Variants in GUCY2D observed in about 807,000 individuals in gnomAD.
The protein encoded by GUCY2D is retinal guanylyl cyclase 1.
GUCY2D carries 70 observed loss-of-function variants against 101.3 expected under a neutral mutation model. That is an observed-to-expected ratio of 0.69 (90% CI 0.57 to 0.84). The LOEUF is 0.84. Among genes scored for constraint, GUCY2D ranks in the 40% least tolerant of loss-of-function variants. GUCY2D has a pLI of 0.00. For missense variants in GUCY2D, 1,460 were observed against 1,542.5 expected (o/e 0.95, Z 0.90); for synonymous variants, 688 against 670.7 (o/e 1.03, Z -0.40).
rs564575395 is a variant in GUCY2D at position 8,015,129 on chromosome 17, C to T, written c.2769+78C>T. 1.9e-5 allele frequency: 25 copies of T among 1,285,598 alleles called. No individual in the cohort carries two copies. The South Asian group carries it at 3.1e-4, about 16-fold the overall frequency. The allele number at this position is 1,285,598 out of a possible 1,614,324, so 79.6% of individuals were successfully genotyped here. On this transcript the variant is annotated intron_variant, in intron 14 of 19. Transcript: ENST00000254854. ...CTCCAGCCCAGCCCTTCCTGCGCAGCCCCTAGCCTACCTGCCCAATCAATC... is the reference window on the plus strand; with the variant it reads ...CTCCAGCCCAGCCCTTCCTGCGCAGTCCCTAGCCTACCTGCCCAATCAATC...
At chr17:8,018,368 G>A (rs1976014607) in intron 19 of GUCY2D, among the ~76,000 whole-genome samples, 1 of 152,060 alleles carries the variant, frequency 6.6e-6, no homozygotes, top group Non-Finnish European at 1.5e-5. Flanking sequence ...GCTGAGTCTG[G>A]ATCTGCATTT....
At chr17:8,005,913 T>G (rs550857471) in intron 3 of GUCY2D, among the ~76,000 whole-genome samples, 16 of 152,268 alleles carry the variant, frequency 1.1e-4, no homozygotes, top group East Asian at 5.8e-4. Context: ...TTGTTTGTTT[T>G]TTTAAGGAAC....
chr17:8,015,934 C>T lies in GUCY2D; in HGVS notation c.3051C>T (p.Arg1017=), dbSNP rs143761257. The T allele has an allele frequency of 1.9e-6, 3 of 1,611,350 alleles. No homozygotes were observed. Among genetic ancestry groups the T allele is most frequent in the Non-Finnish European group, 2.5e-6 (3 of 1,178,944 alleles). Residue 1017 remains arginine, a synonymous_variant, in exon 17 of 20, where the codon CGC becomes CGT. Coordinates refer to ENST00000254854, the MANE Select transcript of GUCY2D (RefSeq NM_000180.4). ...SRMESTGLPY[R]IHVNLSTVGI... Reference sequence around the variant, plus strand: ...CGTCCCCCACCGCCACAGCTTACCGCATCCACGTGAACTTGAGCACTGTGG... The same window carrying T: ...CGTCCCCCACCGCCACAGCTTACCGTATCCACGTGAACTTGAGCACTGTGG...
chr17:8,008,698 G>T (rs1047825861), intron 7 of GUCY2D, among the ~76,000 whole-genome samples: 48 of 152,240 alleles, frequency 3.2e-4, no homozygotes, highest in African/African-American at 1.1e-3. Context: ...GTCATTTGGG[G>T]CAGATTGTCC....
intron 19 of GUCY2D, among the ~76,000 whole-genome samples, chr17:8,019,042 A>AAAAAC (rs1170297557): frequency 6.6e-6 from 1 of 152,226 alleles, no homozygotes; most frequent in Admixed American, 6.5e-5. Context: ...ATTAAAGATT[A>AAAAAC]AAAACAAAAC....
At chr17:8,016,158 C>G (rs1975969006) in intron 17 of GUCY2D, 47 bp from the exon 18 acceptor site, 6 of 1,380,248 alleles carry the variant, frequency 4.3e-6, no homozygotes, top group Non-Finnish European at 5.1e-6. Context: ...ATCCCCCACC[C>G]CTCACCCCAG....
chr17:8,003,923 G>A lies in GUCY2D; in HGVS notation c.793G>A (p.Glu265Lys), dbSNP rs1346762413. The A allele has an allele frequency of 5.0e-6, 8 of 1,613,554 alleles. No individual in the cohort carries two copies. The East Asian group carries it at 1.8e-4, about 36-fold the overall frequency. Residue 265 changes from glutamate (E) to lysine (K), a missense_variant, in exon 3 of 20, where the codon GAG becomes AAG. Physicochemically the swap from Glu to Lys is moderately conservative, Grantham distance 56. Coordinates refer to ENST00000254854, the MANE Select transcript of GUCY2D (RefSeq NM_000180.4). ...EQRYLLEAAE[E>K]LGLTDGSLVF... ...GCGCTACCTCCTGGAGGCCGCAGAG[G>A]AGCTGGGCCTGACCGATGGCTCCCT...
rs1251727174 is a variant in GUCY2D, at chr17:8,016,544, G to A, written c.*14G>A. On this transcript the variant is annotated 3_prime_UTR_variant, in exon 19 of 20. Coordinates refer to ENST00000254854, the MANE Select transcript of GUCY2D (RefSeq NM_000180.4). ...CAGTTCTCTTGAGAAGTGAGGCCCG[G>A]CCCCGGACAGGTACTGCCCCCTCAG... 1 of 1,521,586 alleles carries A rather than the reference G, an allele frequency of 6.6e-7. No individual in the cohort carries two copies. Among genetic ancestry groups the A allele is most frequent in the Non-Finnish European group, 8.9e-7 (1 of 1,123,246 alleles). 94.3% of individuals were successfully genotyped at this position (1,521,586 alleles called of 1,614,324 possible). A position where few individuals can be genotyped will look rare whatever the true frequency, so the allele number is the denominator to read the frequency against.
At chr17:8,016,360 C>CCG in intron 18 of GUCY2D, 70 bp downstream of exon 18, 1 of 1,443,584 alleles carries the variant, frequency 6.9e-7, no homozygotes, top group Admixed American at 2.0e-5. Flanking sequence ...GTCTGACCCC[C>CCG]CGCGCGCGAG....
At chr17:8,009,329 C>T (rs184234997) in intron 7 of GUCY2D, among the ~76,000 whole-genome samples, 177 bp from the exon 8 acceptor site, 22 of 152,294 alleles carry the variant, frequency 1.4e-4, no homozygotes, top group Admixed American at 1.4e-3. Context: ...GGGCCCTCTC[C>T]CAGATGGCTG....
rs539558334 is a variant in GUCY2D at position 8,011,208 on chromosome 17, A to C, written c.1750-936A>C. On this transcript the variant is annotated intron_variant, in intron 8 of 19. Coordinates refer to ENST00000254854, the MANE Select transcript of GUCY2D (RefSeq NM_000180.4). The surrounding 1 kb of genome is among the most constrained non-coding windows in gnomAD (Gnocchi z 4.3). Reference sequence around the variant, plus strand: ...AGACTGGCCAACATAGCAAAACCCCATCTCTACTAAAAATACAAAAATTAG... The same window carrying C: ...AGACTGGCCAACATAGCAAAACCCCCTCTCTACTAAAAATACAAAAATTAG... Among the ~76,000 whole-genome samples, 2 of 151,208 alleles carry C rather than the reference A, an allele frequency of 1.3e-5. No individual in the cohort carries two copies. Among genetic ancestry groups the C allele is most frequent in the Non-Finnish European group, 3.0e-5 (2 of 67,756 alleles).
In GUCY2D at chr17:8,002,997, C is replaced by T. The variant is rs1460284273; in HGVS notation, c.-9-42C>T. 9 of 1,459,944 alleles carry T rather than the reference C, an allele frequency of 6.2e-6. No individual in the cohort carries two copies. Among genetic ancestry groups the T allele is most frequent in the Admixed American group, 2.0e-5 (1 of 49,018 alleles). The allele number at this position is 1,459,944 out of a possible 1,614,324, so 90.4% of individuals were successfully genotyped here. On this transcript the variant is annotated intron_variant, in intron 1 of 19. Transcript: ENST00000254854. This position sits in a 1 kb window ranked among gnomAD's most constrained non-coding sequence, Gnocchi z 4.9. ...GTTACGGGGAGAACCCTAGGGGAGG[C>T]CGGGGTCTCAGTCGCTCAGCCTGCT...
chr17:8,016,326 A>AG, intron 18 of GUCY2D, 36 bp downstream of exon 18: 1 of 1,483,794 alleles, frequency 6.7e-7, no homozygotes, highest in Non-Finnish European at 9.2e-7. Flanking sequence ...GCGAGGGACG[A>AG]GGGACCCCTG....
Position 8,011,272 on chromosome 17 carries a change from G to A in GUCY2D, c.1750-872G>A, listed in dbSNP as rs1337547614. Among the ~76,000 whole-genome samples the A allele has an allele frequency of 2.6e-5, 4 of 152,074 alleles. No homozygotes were observed. The highest frequency in any genetic ancestry group is 4.4e-5 in the Non-Finnish European group (3 of 68,028). On this transcript the variant is annotated intron_variant, in intron 8 of 19. Transcript: ENST00000254854. This position sits in a 1 kb window ranked among gnomAD's most constrained non-coding sequence, Gnocchi z 4.3. Reference sequence around the variant, plus strand: ...CACACACCTGTAATCCCAGCTATTCGGGAGGCTGAGACGGGAGAATCGCTT... The same window carrying A: ...CACACACCTGTAATCCCAGCTATTCAGGAGGCTGAGACGGGAGAATCGCTT...
At chr17:8,009,442 C>T in intron 7 of GUCY2D, 64 bp from the exon 8 acceptor site, 1 of 1,019,578 alleles carries the variant, frequency 9.8e-7, no homozygotes, top group Non-Finnish European at 1.6e-6. Flanking sequence ...GGGAGGGGTT[C>T]TAGGGCTCCC....
rs1313682103 is a variant in GUCY2D, at chr17:8,018,363, G to C, written c.*25-1765G>C. ...CAGGGCCCCACCCCAGACCTGCTGAGTCTGGATCTGCATTTTAACAAGTTC... is the reference window on the plus strand; with the variant it reads ...CAGGGCCCCACCCCAGACCTGCTGACTCTGGATCTGCATTTTAACAAGTTC... On this transcript the variant is annotated intron_variant, in intron 19 of 19. Transcript: ENST00000254854. 2.6e-5 allele frequency among the ~76,000 whole-genome samples: 4 copies of C among 152,140 alleles called. No homozygotes were observed. The East Asian group carries it at 5.8e-4, about 22-fold the overall frequency.
chr17:8,015,982 G>C lies in GUCY2D; in HGVS notation c.3099G>C (p.Ser1033=). The C allele has an allele frequency of 6.2e-7, 1 of 1,611,566 alleles. No individual in the cohort carries two copies. The highest frequency in any genetic ancestry group is 8.5e-7 in the Non-Finnish European group (1 of 1,179,198). Residue 1033 remains serine, a synonymous_variant, in exon 17 of 20, where the codon TCG becomes TCC. Coordinates refer to ENST00000254854, the MANE Select transcript of GUCY2D (RefSeq NM_000180.4). ...STVGILRALD[S]GYQVELRGRT... is the part of the protein sequence containing the mutation. ...TGGGGATTCTCCGTGCTCTGGACTC[G>C]GGCTACCAGGTGGAGCTGCGAGGCC...
In GUCY2D at chr17:8,018,836, C is replaced by CT. The variant is rs879429161; in HGVS notation, c.*25-1278dup. On this transcript the variant is annotated intron_variant, in intron 19 of 19. Transcript: ENST00000254854. ...GGGCTCCTGGACGGGACTTTGCCTTCTTTTTTTTTTTTTTAAACTGATTCA... is the reference window on the plus strand; with the variant it reads ...GGGCTCCTGGACGGGACTTTGCCTTCTTTTTTTTTTTTTTTAAACTGATTCA... Among the ~76,000 whole-genome samples, 413 of 141,596 alleles carry CT rather than the reference C, an allele frequency of 2.9e-3. 1 individual carries two copies. The highest frequency in any genetic ancestry group is 4.4e-3 in the Non-Finnish European group (284 of 64,546). The allele number at this position is 141,596 out of a possible 152,430, so 92.9% of individuals were successfully genotyped here.
chr17:8,010,832 G>A (rs1024304728), intron 8 of GUCY2D, among the ~76,000 whole-genome samples: 3 of 149,856 alleles, frequency 2.0e-5, no homozygotes, highest in Non-Finnish European at 3.0e-5. Flanking sequence ...AAAAAGGAAA[G>A]GAAAGAAAAG....
Sources: gnomAD v4.1 joint callset for allele counts (sites outside exome capture counted in the v4.1 genomes callset) on GRCh38, gnomAD v4.1.1 for gene constraint, Gnocchi (gnomAD v3.1) non-coding constraint, MANE v1.5 for transcripts, NCBI Gene and HGNC (gene_info 2026-07-23, HGNC 2026-07-21) for gene names.